ZCCHC4: variants seen among roughly 807,000 people sequenced by gnomAD.
ZCCHC4 encodes rRNA N(6)-adenosine-methyltransferase ZCCHC4.
Under a neutral mutation model 67.7 loss-of-function variants are expected in ZCCHC4, and 54 were observed. The observed-to-expected ratio is 0.80, with a 90% CI of 0.64 to 1.00. The LOEUF (loss-of-function observed/expected upper bound fraction) is 1.00, where lower values mean the gene tolerates loss of function less well. ZCCHC4 is among the 50% of genes least tolerant of loss of function. The probability of loss-of-function intolerance (pLI) is 0.00; values close to 1 mark genes in which losing one functional copy is unlikely to be tolerated. For synonymous variants in ZCCHC4, 198 were observed against 213.5 expected (o/e 0.93, Z 0.63); for missense variants, 609 against 617.0 (o/e 0.99, Z 0.14).
intron 5 of ZCCHC4, among the ~76,000 whole-genome samples, chr4:25,341,875 C>G (rs1719771284): frequency 6.6e-6 from 1 of 152,198 alleles, no homozygotes; most frequent in Admixed American, 6.5e-5. Context: ...GGCCCCTTAG[C>G]TATTTCACCT....
chr4:25,358,744 C>T (rs755605220), intron 8 of ZCCHC4, among the ~76,000 whole-genome samples: 23 of 152,316 alleles, frequency 1.5e-4, no homozygotes, highest in Non-Finnish European at 2.6e-4. Context: ...GTAACCACAC[C>T]GCAGGTGCAT....
chr4:25,312,965 T>C, intron 1 of ZCCHC4, 29 bp downstream of exon 1: 1 of 1,607,612 alleles, frequency 6.2e-7, no homozygotes, highest in Non-Finnish European at 8.5e-7. Context: ...TCAGCCTAAC[T>C]GCCGGGCGCT....
At chr4:25,338,988 T>G (rs138552586) in intron 5 of ZCCHC4, among the ~76,000 whole-genome samples, 3 of 152,312 alleles carry the variant, frequency 2.0e-5, no homozygotes, top group African/African-American at 7.2e-5. Flanking sequence ...CTCACAGTTC[T>G]GGAGGCTGGA....
chr4:25,318,074 G>A (rs1419644487), intron 3 of ZCCHC4, among the ~76,000 whole-genome samples: 7 of 152,238 alleles, frequency 4.6e-5, no homozygotes, highest in Middle Eastern at 3.4e-3. Flanking sequence ...AGAACCACAC[G>A]GTCCGTGGTT....
chr4:25,312,778 C>T lies in ZCCHC4; in HGVS notation c.-32C>T, dbSNP rs933683664. ...GCGCTCTTTCTCAGCATTCTTGTTT[C>T]GTACTGAGGCTTTCGGGACGGCGGC... On this transcript the variant is annotated 5_prime_UTR_variant, in exon 1 of 13. Transcript: ENST00000302874. 6.2e-6 allele frequency: 10 copies of T among 1,610,558 alleles called. No homozygotes were observed. The highest frequency in any genetic ancestry group is 2.0e-4 in the Middle Eastern group (1 of 5,098).
chr4:25,359,468 G>A lies in ZCCHC4; in HGVS notation c.1012-2391G>A, dbSNP rs1720638138. 6.6e-6 allele frequency among the ~76,000 whole-genome samples: 1 copy of A among 152,184 alleles called. No homozygotes were observed. The highest frequency in any genetic ancestry group is 2.4e-5 in the African/African-American group (1 of 41,444). ...GAATTAGAGGCTGCTCTGGATACAG[G>A]CCTGGGTCTGTTGTCTTGGCCAGAG... On this transcript the variant is annotated intron_variant, in intron 8 of 12. Coordinates refer to ENST00000302874, the MANE Select transcript of ZCCHC4 (RefSeq NM_024936.3). This position sits in a 1 kb window ranked among gnomAD's most constrained non-coding sequence, Gnocchi z 4.9.
intron 7 of ZCCHC4, 145 bp downstream of exon 7, chr4:25,349,787 G>T (rs948612057): frequency 7.6e-6 from 6 of 787,462 alleles, no homozygotes; most frequent in African/African-American, 7.0e-5. Flanking sequence ...TGATGTTGCA[G>T]CAAACTTCAT....
rs749722106 is a variant in ZCCHC4 at position 25,369,107 on chromosome 4, A to T, written c.1485A>T (p.Thr495=). The T allele has an allele frequency of 5.0e-6, 8 of 1,614,080 alleles. No individual in the cohort carries two copies. The Admixed American group carries it at 1.3e-4, about 27-fold the overall frequency. ...ETTKGQSMNH[T]SATRRKKRRE... ...CGAAAGGACAATCCATGAATCATAC[A>T]TCTGCTACAAGGAGAAAGAAAAGGA... is the stretch of plus-strand genomic sequence containing the variant. The change falls in exon 13 of 13, where the codon ACA becomes ACT. Residue 495 remains threonine, a synonymous_variant. Transcript: ENST00000302874.
At chr4:25,349,826 T>A in intron 7 of ZCCHC4, 184 bp downstream of exon 7, 1 of 624,262 alleles carries the variant, frequency 1.6e-6, no homozygotes. Flanking sequence ...ATTATTCTAA[T>A]CATGTGGATT....
chr4:25,336,300 G>C (rs948164082), intron 5 of ZCCHC4, among the ~76,000 whole-genome samples: 1 of 152,130 alleles, frequency 6.6e-6, no homozygotes, highest in Non-Finnish European at 1.5e-5. Flanking sequence ...ACCCATGCAT[G>C]TAGCAGTACT....
chr4:25,328,469 A>G (rs1719007383), intron 3 of ZCCHC4, among the ~76,000 whole-genome samples: 1 of 151,730 alleles, frequency 6.6e-6, no homozygotes, highest in Non-Finnish European at 1.5e-5. Context: ...CGAACTCCTG[A>G]CCTCAAGTGA....
chr4:25,317,723 A>AAAAG (rs1398709041), intron 3 of ZCCHC4, among the ~76,000 whole-genome samples: 3 of 136,900 alleles, frequency 2.2e-5, no homozygotes, highest in South Asian at 2.2e-4. Flanking sequence ...AAAAAAAAAA[A>AAAAG]AAAGAAAGAA....
At chr4:25,322,828 A>C (rs925305576) in intron 3 of ZCCHC4, among the ~76,000 whole-genome samples, 1 of 152,132 alleles carries the variant, frequency 6.6e-6, no homozygotes, top group Non-Finnish European at 1.5e-5. Context: ...TGAATTGTCC[A>C]CTTTGAAAGG....
chr4:25,323,073 C>T (rs531917216), intron 3 of ZCCHC4, among the ~76,000 whole-genome samples: 100 of 152,264 alleles, frequency 6.6e-4, no homozygotes, highest in African/African-American at 2.2e-3. Context: ...AGATTAATCA[C>T]GTGTTCAGGT....
intron 5 of ZCCHC4, among the ~76,000 whole-genome samples, chr4:25,335,399 G>C (rs1209634647): frequency 6.6e-6 from 1 of 152,146 alleles, no homozygotes; most frequent in Non-Finnish European, 1.5e-5. Flanking sequence ...AGTGAGCTGA[G>C]TTCACGTAAC....
At chr4:25,317,273 G>A (rs1041135821) in intron 3 of ZCCHC4, among the ~76,000 whole-genome samples, 13 of 152,148 alleles carry the variant, frequency 8.5e-5, no homozygotes, top group Admixed American at 2.6e-4. Context: ...GAGCTGTTTA[G>A]TAGTAGATTT....
chr4:25,357,054 T>A (rs1720547933), intron 8 of ZCCHC4, among the ~76,000 whole-genome samples: 1 of 152,168 alleles, frequency 6.6e-6, no homozygotes, highest in African/African-American at 2.4e-5. Context: ...ATTTAATAGC[T>A]CTAATCGTTA....
At chr4:25,318,256 T>C (rs1474264152) in intron 3 of ZCCHC4, among the ~76,000 whole-genome samples, 1 of 151,944 alleles carries the variant, frequency 6.6e-6, no homozygotes, top group Admixed American at 6.6e-5. Flanking sequence ...TTAATTAAAC[T>C]CTGTAAGAAA....
rs777236525 is a variant in ZCCHC4, at chr4:25,364,986, A to G, written c.1262-36A>G. On this transcript the variant is annotated intron_variant, in intron 11 of 12. Coordinates refer to ENST00000302874, the MANE Select transcript of ZCCHC4 (RefSeq NM_024936.3). The stretch of plus-strand genomic sequence containing the variant: ...TTAATAAGATGAAAAATTACGTTAC[A>G]TGAACTTCCTTTAAAACTTAATTTT... 19 of 1,611,104 alleles carry G rather than the reference A, an allele frequency of 1.2e-5. No individual in the cohort carries two copies. The Admixed American group carries it at 1.7e-4, about 14-fold the overall frequency.
Sources: gnomAD v4.1 joint callset for allele counts (sites outside exome capture counted in the v4.1 genomes callset) on GRCh38, gnomAD v4.1.1 for gene constraint, Gnocchi (gnomAD v3.1) non-coding constraint, MANE v1.5 for transcripts, NCBI Gene and HGNC (gene_info 2026-07-23, HGNC 2026-07-21) for gene names.